The following ANKS1B variants were observed in gnomAD, a reference collection of about 807,000 sequenced individuals.
ANKS1B encodes ankyrin repeat and sterile alpha motif domain containing 1B, also known as ankyrin repeat and sterile alpha motif domain-containing protein 1B.
In ANKS1B, 36 loss-of-function variants were observed where a neutral mutation model predicts 148.3. The ratio of observed to expected loss-of-function variants is 0.24; its 90% CI spans 0.19 to 0.32. The LOEUF is 0.32. Among genes scored for constraint, ANKS1B ranks in the 10% least tolerant of loss-of-function variants. The pLI is 1.00. For synonymous variants in ANKS1B, 542 were observed against 560.8 expected (o/e 0.97, Z 0.47); for missense variants, 1,157 against 1,542.6 (o/e 0.75, Z 4.19).
intron 12 of ANKS1B, among the ~76,000 whole-genome samples, chr12:99,348,030 GTACAAGTATAA>G (rs2090952537): frequency 6.6e-6 from 1 of 152,080 alleles, no homozygotes; most frequent in African/African-American, 2.4e-5. Flanking sequence ...GAGCTGAAAT[GTACAAGTATAA>G]TACTGAAATA....
chr12:99,369,747 A>AAGATAGATAGATAGATAGATAGAT (rs75456516), intron 12 of ANKS1B, among the ~76,000 whole-genome samples: 4 of 143,294 alleles, frequency 2.8e-5, no homozygotes, highest in East Asian at 2.1e-4. Flanking sequence ...AATGGATAGA[A>AAGATAGATAGATAGATAGATAGAT]AGATAGATAG....
At chr12:98,975,849 G>A (rs1424191007) in intron 17 of ANKS1B, among the ~76,000 whole-genome samples, 2 of 152,178 alleles carry the variant, frequency 1.3e-5, no homozygotes, top group Non-Finnish European at 2.9e-5. Context: ...TGGTTGGGCA[G>A]AGGGAGCAGG....
rs981568800 is a variant in ANKS1B, at chr12:99,965,387, G to C, written c.134+18717C>G. 1.4e-4 allele frequency among the ~76,000 whole-genome samples: 22 copies of C among 152,138 alleles called. No homozygotes were observed. In the East Asian group the frequency reaches 4.2e-3, roughly 29 times the overall value. On this transcript the variant is annotated intron_variant, in intron 1 of 26. Transcript: ENST00000683438. ...AAACAGCAAACCATGAGTCCACACT[G>C]ATATAAATAAATGAATAAAAGAAAG...
rs1593262835 is a variant in ANKS1B at position 98,744,548 on chromosome 12, C to CAAAT, written c.*1187_*1190dup. 2 of 606,334 alleles carry CAAAT rather than the reference C, an allele frequency of 3.3e-6. No individual in the cohort carries two copies. The highest frequency in any genetic ancestry group is 2.0e-5 in the African/African-American group (1 of 50,012). The allele number at this position is 606,334 out of a possible 1,614,324, so 37.6% of individuals were successfully genotyped here. ...CATAAATATACATTATGGTATCATACAAATACTCCACAGAGACATTAAAAA... is the reference window on the plus strand; with the variant it reads ...CATAAATATACATTATGGTATCATACAAATAAATACTCCACAGAGACATTAAAAA... On this transcript the variant is annotated 3_prime_UTR_variant, in exon 27 of 27. Transcript: ENST00000683438.
chr12:99,653,839 T>G (rs1186707915), intron 9 of ANKS1B, among the ~76,000 whole-genome samples: 1 of 152,050 alleles, frequency 6.6e-6, no homozygotes, highest in Non-Finnish European at 1.5e-5. Context: ...TATTTTTGTA[T>G]TTTTTGTAGA....
intron 17 of ANKS1B, among the ~76,000 whole-genome samples, chr12:98,971,599 A>C (rs1318090200): frequency 6.6e-6 from 1 of 152,188 alleles, no homozygotes; most frequent in Non-Finnish European, 1.5e-5. Context: ...GGTACGGATA[A>C]CTAGACTCAC....
At chr12:99,672,792 T>A (rs1374728667) in intron 8 of ANKS1B, among the ~76,000 whole-genome samples, 3 of 152,146 alleles carry the variant, frequency 2.0e-5, no homozygotes, top group African/African-American at 7.2e-5. Context: ...TTATAGTTAC[T>A]CTCCTATCAT....
intron 3 of ANKS1B, among the ~76,000 whole-genome samples, chr12:99,810,668 T>C (rs1722628375): frequency 6.6e-6 from 1 of 152,024 alleles, no homozygotes; most frequent in Non-Finnish European, 1.5e-5. Context: ...ATTTAATTGA[T>C]CTATTCAACA....
chr12:99,731,757 T>C (rs2059182827), intron 8 of ANKS1B, among the ~76,000 whole-genome samples: 1 of 152,140 alleles, frequency 6.6e-6, no homozygotes. Context: ...TAGGCAAAGA[T>C]ATCTTAGCTA....
intron 8 of ANKS1B, among the ~76,000 whole-genome samples, chr12:99,700,937 G>A (rs901839967): frequency 3.9e-5 from 6 of 152,128 alleles, no homozygotes; most frequent in Non-Finnish European, 8.8e-5. Flanking sequence ...CTGAACTGGT[G>A]CTTATCTCTT....
chr12:99,461,218 C>A (rs2095960749), intron 10 of ANKS1B, among the ~76,000 whole-genome samples: 1 of 152,000 alleles, frequency 6.6e-6, no homozygotes. Flanking sequence ...TAAGTGGGAG[C>A]TATGCTATGA....
Position 99,033,996 on chromosome 12 carries a change from C to T in ANKS1B, c.2778+19161G>A, listed in dbSNP as rs574820901. Among the ~76,000 whole-genome samples the T allele has an allele frequency of 1.4e-3, 212 of 152,326 alleles. 1 individual carries two copies. The highest frequency in any genetic ancestry group is 4.8e-3 in the African/African-American group (201 of 41,572). ...TAGCTTCCAGCTATTTGGGAAGACCCTTGGGTGTTGAGCCAACATTGGCAG... is the reference window on the plus strand; with the variant it reads ...TAGCTTCCAGCTATTTGGGAAGACCTTTGGGTGTTGAGCCAACATTGGCAG... On this transcript the variant is annotated intron_variant, in intron 17 of 26. Transcript: ENST00000683438.
At chr12:99,134,699 A>C (rs952562319) in intron 15 of ANKS1B, among the ~76,000 whole-genome samples, 1 of 128,658 alleles carries the variant, frequency 7.8e-6, no homozygotes, top group African/African-American at 3.1e-5. Context: ...ACACACACAC[A>C]CCAGGCATTT....
chr12:99,608,588 A>G (rs142042289), intron 9 of ANKS1B, among the ~76,000 whole-genome samples: 95 of 152,190 alleles, frequency 6.2e-4, no homozygotes, highest in African/African-American at 2.2e-3. Flanking sequence ...TTCTCACAGC[A>G]CAAACTAACC....
chr12:99,331,283 G>A (rs990558085), intron 12 of ANKS1B, among the ~76,000 whole-genome samples: 2 of 151,786 alleles, frequency 1.3e-5, no homozygotes, highest in Non-Finnish European at 2.9e-5. Context: ...CTCTAATATG[G>A]GGCTAGATAT....
At chr12:98,773,697 C>T (rs564394059) in intron 24 of ANKS1B, among the ~76,000 whole-genome samples, 1 of 152,330 alleles carries the variant, frequency 6.6e-6, no homozygotes, top group South Asian at 2.1e-4. Context: ...CTCAGGTGAT[C>T]TGCCCACCTC....
At chr12:99,904,130 G>A (rs1452083818) in intron 1 of ANKS1B, among the ~76,000 whole-genome samples, 1 of 151,870 alleles carries the variant, frequency 6.6e-6, no homozygotes. Context: ...CTTATCCCGA[G>A]AGTCCTTAAT....
chr12:99,041,569 T>A (rs2099958984), intron 17 of ANKS1B, among the ~76,000 whole-genome samples: 1 of 152,048 alleles, frequency 6.6e-6, no homozygotes, highest in Admixed American at 6.6e-5. Flanking sequence ...ATCCAGGTCA[T>A]TTTTTTCCCC....
At chr12:99,512,042 C>G (rs143787865) in intron 9 of ANKS1B, among the ~76,000 whole-genome samples, 1 of 151,884 alleles carries the variant, frequency 6.6e-6, no homozygotes, top group Non-Finnish European at 1.5e-5. Flanking sequence ...GTGATTGCAA[C>G]AAAAACAAAA....
Sources: gnomAD v4.1 joint callset for allele counts (sites outside exome capture counted in the v4.1 genomes callset) on GRCh38, gnomAD v4.1.1 for gene constraint, MANE v1.5 for transcripts, NCBI Gene and HGNC (gene_info 2026-07-23, HGNC 2026-07-21) for gene names.